The following PLEK2 variants were observed in gnomAD, a reference collection of about 807,000 sequenced individuals.
PLEK2 encodes pleckstrin-2.
In PLEK2, 29 loss-of-function variants were observed where a neutral mutation model predicts 43.8. The ratio of observed to expected loss-of-function variants is 0.66; its 90% CI spans 0.49 to 0.90. The LOEUF (loss-of-function observed/expected upper bound fraction) is 0.90, where lower values mean the gene tolerates loss of function less well. Ranked by LOEUF, PLEK2 falls within the 40% of genes least tolerant of loss-of-function variation. PLEK2 has a pLI of 0.00. For missense variants in PLEK2, 398 were observed against 448.1 expected (o/e 0.89, Z 1.01); for synonymous variants, 162 against 173.2 (o/e 0.94, Z 0.51).
At chr14:67,396,707 C>T (rs913702792) in intron 2 of PLEK2, among the ~76,000 whole-genome samples, 1 of 152,240 alleles carries the variant, frequency 6.6e-6, no homozygotes, top group Non-Finnish European at 1.5e-5. Context: ...ATTCCTGAAG[C>T]GTTGCCTGAC....
chr14:67,395,784 T>C (rs1393291676), intron 2 of PLEK2, among the ~76,000 whole-genome samples: 1 of 152,158 alleles, frequency 6.6e-6, no homozygotes, highest in African/African-American at 2.4e-5. Flanking sequence ...CACTGCAGCC[T>C]TTCCCTTGTG....
chr14:67,408,596 G>A (rs1176904488), intron 1 of PLEK2, among the ~76,000 whole-genome samples: 1 of 152,100 alleles, frequency 6.6e-6, no homozygotes, highest in Non-Finnish European at 1.5e-5. Context: ...CATAGGGAGA[G>A]GATGGTCACG....
chr14:67,397,736 T>A lies in PLEK2; in HGVS notation c.133A>T (p.Thr45Ser). The A allele has an allele frequency of 3.7e-6, 6 of 1,612,880 alleles. No individual in the cohort carries two copies. The highest frequency in any genetic ancestry group is 5.1e-6 in the Non-Finnish European group (6 of 1,179,438). ...AGGAGGATCCGGCCCTTGGGAGGGG[T>A]CACTCTCCGACCCCCCTCAAGCTTG... ...YYKLEGGRRV[T>S]PPKGRILLDG... Residue 45 changes from threonine to serine, a missense_variant, in exon 2 of 9, where the codon ACC (threonine) becomes TCC (serine). Coordinates refer to ENST00000216446, the MANE Select transcript of PLEK2 (RefSeq NM_016445.3).
chr14:67,407,509 T>C (rs1409067247), intron 1 of PLEK2, among the ~76,000 whole-genome samples: 1 of 151,660 alleles, frequency 6.6e-6, no homozygotes, highest in Non-Finnish European at 1.5e-5. Context: ...GGCATGATCA[T>C]AGCTCACTGC....
chr14:67,397,518 T>A, intron 2 of PLEK2, 144 bp downstream of exon 2: 1 of 635,374 alleles, frequency 1.6e-6, no homozygotes. Flanking sequence ...ACATACCTGG[T>A]ATGTGGCGGA....
chr14:67,408,359 A>G (rs186854266), intron 1 of PLEK2, among the ~76,000 whole-genome samples: 2 of 133,960 alleles, frequency 1.5e-5, no homozygotes, highest in African/African-American at 6.0e-5. Flanking sequence ...TAAAATAAAA[A>G]AAGAAAAAAC....
At chr14:67,400,872 C>T (rs1429322173) in intron 1 of PLEK2, among the ~76,000 whole-genome samples, 1 of 151,918 alleles carries the variant, frequency 6.6e-6, no homozygotes, top group Non-Finnish European at 1.5e-5. Context: ...CATCTGCAGT[C>T]CCAGCTACTT....
Position 67,390,652 on chromosome 14 carries a change from T to C in PLEK2, c.855+11A>G, listed in dbSNP as rs1489164820. ...ACATGGGACCAACATGGAGCCAGCA[T>C]GCGCACTCACTTTGGAAGGGTCATA... is the stretch of plus-strand genomic sequence containing the variant. On this transcript the variant is annotated intron_variant, in intron 7 of 8. Coordinates refer to ENST00000216446, the MANE Select transcript of PLEK2 (RefSeq NM_016445.3). 3 of 1,588,038 alleles carry C rather than the reference T, an allele frequency of 1.9e-6. No homozygotes were observed. The highest frequency in any genetic ancestry group is 2.6e-6 in the Non-Finnish European group (3 of 1,156,330).
At chr14:67,389,138 C>G (rs917442008) in intron 7 of PLEK2, among the ~76,000 whole-genome samples, 14 of 152,118 alleles carry the variant, frequency 9.2e-5, no homozygotes, top group Middle Eastern at 3.4e-3. Flanking sequence ...GCCTCAGGCC[C>G]TAGGAGCCCT....
Position 67,389,165 on chromosome 14 carries a change from C to G in PLEK2, c.856-863G>C, listed in dbSNP as rs141540273. On this transcript the variant is annotated intron_variant, in intron 7 of 8. Coordinates refer to ENST00000216446, the MANE Select transcript of PLEK2 (RefSeq NM_016445.3). ...AGGAGCCCTTCAATTAATCAATAAT[C>G]AACTTCATACTGCATGTTGGGCCCA... Among the ~76,000 whole-genome samples the G allele has an allele frequency of 1.9e-3, 286 of 152,164 alleles. 1 individual carries two copies. Among genetic ancestry groups the G allele is most frequent in the African/African-American group, 6.7e-3 (277 of 41,510 alleles).
chr14:67,387,147 G>T lies in PLEK2; in HGVS notation c.*182C>A. 1 of 525,460 alleles carries T rather than the reference G, an allele frequency of 1.9e-6. No homozygotes were observed. Among genetic ancestry groups the T allele is most frequent in the Non-Finnish European group, 3.2e-6 (1 of 308,506 alleles). 32.5% of individuals were successfully genotyped at this position (525,460 alleles called of 1,614,324 possible). On this transcript the variant is annotated 3_prime_UTR_variant, in exon 9 of 9. Coordinates refer to ENST00000216446, the MANE Select transcript of PLEK2 (RefSeq NM_016445.3). Reference sequence around the variant, plus strand: ...TCTAGCCTTTCCAGGTTTGTAACATGAAGATGGGGAAGGAAATGGCACCAC... The same window carrying T: ...TCTAGCCTTTCCAGGTTTGTAACATTAAGATGGGGAAGGAAATGGCACCAC...
chr14:67,397,859 C>T (rs371607707), intron 1 of PLEK2, 33 bp from the exon 2 acceptor site: 26 of 1,572,720 alleles, frequency 1.7e-5, no homozygotes, highest in Middle Eastern at 1.7e-4. Flanking sequence ...TGAGGTGAGG[C>T]GGTCAGTGGG....
chr14:67,402,630 T>C (rs1468913595), intron 1 of PLEK2, among the ~76,000 whole-genome samples: 4 of 152,088 alleles, frequency 2.6e-5, no homozygotes, highest in Non-Finnish European at 5.9e-5. Context: ...TCTAAGTCCA[T>C]GAGTTGTTTT....
chr14:67,392,203 C>T (rs753821328), intron 6 of PLEK2, 123 bp downstream of exon 6: 23 of 706,390 alleles, frequency 3.3e-5, no homozygotes, highest in South Asian at 1.1e-4. Context: ...CTCTTGCTTT[C>T]GTAGATTTTG....
intron 1 of PLEK2, among the ~76,000 whole-genome samples, chr14:67,411,013 A>G (rs549194606): frequency 1.3e-5 from 2 of 151,818 alleles, no homozygotes; most frequent in South Asian, 2.1e-4. Flanking sequence ...TGGGCATAGT[A>G]GTGGATACCT....
chr14:67,401,192 A>G (rs111617818), intron 1 of PLEK2, among the ~76,000 whole-genome samples: 8,551 of 152,006 alleles, frequency 0.056, 497 homozygotes, highest in African/African-American at 0.14. Context: ...TCTTTATAAG[A>G]AAAGGTGATT....
intron 1 of PLEK2, among the ~76,000 whole-genome samples, chr14:67,405,105 C>T (rs1201642566): frequency 2.6e-5 from 4 of 151,168 alleles, no homozygotes; most frequent in South Asian, 2.1e-4. Flanking sequence ...TGGTGGCAGG[C>T]GCCTGTAATC....
chr14:67,408,983 G>A (rs535240500), intron 1 of PLEK2, among the ~76,000 whole-genome samples: 1 of 151,908 alleles, frequency 6.6e-6, no homozygotes, highest in African/African-American at 2.4e-5. Context: ...GAGAGGCCAA[G>A]GTGGGAGGAT....
At chr14:67,389,583 T>C (rs1278639875) in intron 7 of PLEK2, among the ~76,000 whole-genome samples, 1 of 152,114 alleles carries the variant, frequency 6.6e-6, no homozygotes, top group Non-Finnish European at 1.5e-5. Flanking sequence ...CATGTGTACA[T>C]ATATATGTAT....
Sources: gnomAD v4.1 joint callset for allele counts (sites outside exome capture counted in the v4.1 genomes callset) on GRCh38, gnomAD v4.1.1 for gene constraint, MANE v1.5 for transcripts, NCBI Gene and HGNC (gene_info 2026-07-23, HGNC 2026-07-21) for gene names.